MGAT5: variants seen among roughly 807,000 people sequenced by gnomAD.
MGAT5 encodes the protein alpha-1,6-mannosylglycoprotein 6-beta-N-acetylglucosaminyltransferase.
In MGAT5, 30 loss-of-function variants were observed where a neutral mutation model predicts 94.3. That is an observed-to-expected ratio of 0.32 (90% CI 0.24 to 0.43). The LOEUF (loss-of-function observed/expected upper bound fraction) is 0.43. MGAT5 is among the 20% of genes least tolerant of loss of function. The pLI, the probability that MGAT5 is intolerant of heterozygous loss-of-function variation, is 1.00. For synonymous variants in MGAT5, 310 were observed against 322.9 expected (o/e 0.96, Z 0.43); for missense variants, 691 against 905.5 (o/e 0.76, Z 3.04).
intron 5 of MGAT5, among the ~76,000 whole-genome samples, chr2:134,336,912 A>G (rs1205898660): frequency 1.3e-5 from 2 of 152,118 alleles, no homozygotes; most frequent in African/African-American, 4.8e-5. Context: ...TTAAGTCTTT[A>G]CTCTTTAGAC....
intron 2 of MGAT5, among the ~76,000 whole-genome samples, chr2:134,291,147 G>C (rs552861527): frequency 1.3e-5 from 2 of 152,334 alleles, no homozygotes; most frequent in African/African-American, 4.8e-5. Context: ...TTGAAGGTGT[G>C]TAGTGGACTA....
At chr2:134,203,314 A>T (rs1458041114) in intron 1 of MGAT5, among the ~76,000 whole-genome samples, 1 of 152,094 alleles carries the variant, frequency 6.6e-6, no homozygotes, top group African/African-American at 2.4e-5. Context: ...AGCAAGTGTG[A>T]GGTAGGGCTT....
chr2:134,281,778 C>T (rs187979754), intron 2 of MGAT5, among the ~76,000 whole-genome samples: 1 of 152,342 alleles, frequency 6.6e-6, no homozygotes, highest in East Asian at 1.9e-4. Context: ...AGTCATTAAC[C>T]TGTCTAAACT....
chr2:134,199,680 C>T (rs1438690826), intron 1 of MGAT5, among the ~76,000 whole-genome samples: 4 of 152,110 alleles, frequency 2.6e-5, no homozygotes, highest in African/African-American at 9.7e-5. Flanking sequence ...GACTTGAATA[C>T]TCATTTTGTG....
At chr2:134,291,640 G>A (rs72976200) in intron 2 of MGAT5, among the ~76,000 whole-genome samples, 2,662 of 152,280 alleles carry the variant, frequency 0.017, 89 homozygotes, top group African/African-American at 0.061. Context: ...TTCATAGGGC[G>A]AAGTAAGGTC....
chr2:134,419,186 A>G (rs767770386), intron 12 of MGAT5, among the ~76,000 whole-genome samples: 3 of 152,224 alleles, frequency 2.0e-5, no homozygotes, highest in African/African-American at 7.2e-5. Context: ...CTTTGCCTTC[A>G]GTTGAAGAGA....
intron 2 of MGAT5, among the ~76,000 whole-genome samples, chr2:134,303,027 CTT>C (rs1686118154): frequency 6.6e-6 from 1 of 152,066 alleles, no homozygotes; most frequent in Non-Finnish European, 1.5e-5. Flanking sequence ...TCTCTTTTCT[CTT>C]TTCTACCTCT....
intron 1 of MGAT5, among the ~76,000 whole-genome samples, chr2:134,223,040 G>A (rs989321644): frequency 6.6e-6 from 1 of 152,064 alleles, no homozygotes; most frequent in Non-Finnish European, 1.5e-5. Context: ...ATAATTGGGA[G>A]TATTATAACC....
chr2:134,275,653 A>G (rs1292057096), intron 2 of MGAT5, among the ~76,000 whole-genome samples: 1 of 140,614 alleles, frequency 7.1e-6, no homozygotes, highest in Non-Finnish European at 1.5e-5. Flanking sequence ...GCACTATCAC[A>G]GCTCTTTGCA....
At chr2:134,168,010 C>G (rs1688035583) in intron 1 of MGAT5, among the ~76,000 whole-genome samples, 1 of 152,146 alleles carries the variant, frequency 6.6e-6, no homozygotes, top group Admixed American at 6.5e-5. Context: ...AAGTAGCTAT[C>G]AGCAAAATAA....
chr2:134,381,330 C>CATAG (rs10637591), intron 10 of MGAT5, among the ~76,000 whole-genome samples: 2,072 of 67,884 alleles, frequency 0.031, 123 homozygotes, highest in Admixed American at 0.067. Flanking sequence ...AGACCTGTCT[C>CATAG]ATAGATAGAT....
chr2:134,446,289 GGAGC>G (rs555596032), intron 15 of MGAT5, among the ~76,000 whole-genome samples: 215 of 152,132 alleles, frequency 1.4e-3, no homozygotes, highest in Non-Finnish European at 2.6e-3. Flanking sequence ...GGTGACCCAG[GGAGC>G]GAGCAGGAGG....
At chr2:134,348,655 A>G (rs890165389) in intron 8 of MGAT5, among the ~76,000 whole-genome samples, 2 of 152,178 alleles carry the variant, frequency 1.3e-5, no homozygotes, top group African/African-American at 4.8e-5. Flanking sequence ...TGATTCTAAA[A>G]TGTGGGTTTC....
intron 13 of MGAT5, among the ~76,000 whole-genome samples, chr2:134,426,577 C>T (rs535592713): frequency 9.9e-5 from 15 of 152,280 alleles, no homozygotes; most frequent in African/African-American, 3.4e-4. Context: ...CCTACTTTAA[C>T]ACTGATAAAT....
intron 12 of MGAT5, among the ~76,000 whole-genome samples, chr2:134,414,145 GTGTGTGTGTGTGTGGTTTTTTTTT>G (rs1683828101): frequency 7.4e-6 from 1 of 134,786 alleles, no homozygotes; most frequent in Non-Finnish European, 1.6e-5. Flanking sequence ...GCACACACTT[GTGTGTGTGTGTGTGGTTTTTTTTT>G]TTTTTCCTTC....
At chr2:134,120,586 C>G (rs1311408982) in intron 1 of MGAT5, among the ~76,000 whole-genome samples, 1 of 151,904 alleles carries the variant, frequency 6.6e-6, no homozygotes, top group East Asian at 2.0e-4. Context: ...CGCCCCGTGA[C>G]GAGGGGGCTT....
At chr2:134,131,267 G>A (rs1686149945) in intron 1 of MGAT5, among the ~76,000 whole-genome samples, 1 of 152,156 alleles carries the variant, frequency 6.6e-6, no homozygotes, top group Non-Finnish European at 1.5e-5. Context: ...GAGGGTCCGC[G>A]GCTTCATTCT....
At chr2:134,446,426 G>A (rs1017827919) in intron 15 of MGAT5, among the ~76,000 whole-genome samples, 1 of 151,982 alleles carries the variant, frequency 6.6e-6, no homozygotes, top group African/African-American at 2.4e-5. Context: ...AGCAGCTGCT[G>A]TAATTCACCC....
At chr2:134,447,416 C>T (rs1685850178) in intron 15 of MGAT5, among the ~76,000 whole-genome samples, 1 of 152,212 alleles carries the variant, frequency 6.6e-6, no homozygotes, top group Non-Finnish European at 1.5e-5. Flanking sequence ...TAGAGCTTGA[C>T]TCTGTCACAT....
Sources: allele counts gnomAD v4.1 joint callset (sites outside exome capture counted in the v4.1 genomes callset), GRCh38; gene constraint gnomAD v4.1.1; transcripts MANE v1.5; gene names NCBI Gene and HGNC (gene_info 2026-07-23, HGNC 2026-07-21).